FAM76B: variants seen among roughly 807,000 people sequenced by gnomAD.
FAM76B encodes the protein protein FAM76B.
Under a neutral mutation model 51.8 loss-of-function variants are expected in FAM76B, and 16 were observed. The ratio of observed to expected loss-of-function variants is 0.31; its 90% CI spans 0.21 to 0.47. The LOEUF is 0.47. FAM76B is among the 20% of genes least tolerant of loss of function. The pLI is 1.00. For synonymous variants in FAM76B, 166 were observed against 129.5 expected (o/e 1.28, Z -1.91); for missense variants, 342 against 392.6 (o/e 0.87, Z 1.09).
intron 2 of FAM76B, among the ~76,000 whole-genome samples, chr11:95,788,207 T>C (rs1860711070): frequency 6.6e-6 from 1 of 151,874 alleles, no homozygotes. Flanking sequence ...GCTTTACCAT[T>C]TTTTTTTAGT....
In FAM76B at chr11:95,786,140, C is replaced by G. The variant is rs1179850469; in HGVS notation, c.342G>C (p.Arg114=). 6.2e-7 allele frequency: 1 copy of G among 1,610,432 alleles called. No individual in the cohort carries two copies. Among genetic ancestry groups the G allele is most frequent in the East Asian group, 2.2e-5 (1 of 44,818 alleles). ...EQCKQQCAFD[R]KEEGRRKVDG... is the part of the protein sequence containing the mutation. Reference sequence around the variant, plus strand: ...ATACCTTTCTTCTTCCTTCCTCCTTCCGATCAAAAGCACATTGCTGTTTGC... The same window carrying G: ...ATACCTTTCTTCTTCCTTCCTCCTTGCGATCAAAAGCACATTGCTGTTTGC... Residue 114 remains arginine, a synonymous_variant, in exon 4 of 10, where the codon CGG becomes CGC. Transcript: ENST00000358780.
chr11:95,788,616 C>G lies in FAM76B; in HGVS notation c.88-53G>C, dbSNP rs556682852. The G allele has an allele frequency of 2.8e-5, 43 of 1,541,534 alleles. No homozygotes were observed. The South Asian group carries it at 4.8e-4, about 17-fold the overall frequency. On this transcript the variant is annotated intron_variant, in intron 1 of 9. Transcript: ENST00000358780. ...ATCTTTCTGAAAGTCCCAAATCTCA[C>G]TTTTCTGGTAGAAAACTGTTTACCC...
intron 1 of FAM76B, 191 bp downstream of exon 1, chr11:95,789,201 C>A: frequency 1.0e-6 from 1 of 967,136 alleles, no homozygotes; most frequent in Non-Finnish European, 1.5e-6. Flanking sequence ...GATTCTGCCT[C>A]CCTTTCAGGG....
At chr11:95,779,102 A>C (rs769833530) in intron 7 of FAM76B, 145 bp from the exon 8 acceptor site, 1 of 1,586,998 alleles carries the variant, frequency 6.3e-7, no homozygotes, top group Non-Finnish European at 8.5e-7. Context: ...TGCAACTGGC[A>C]AATTACCTTA....
intron 3 of FAM76B, among the ~76,000 whole-genome samples, chr11:95,787,250 T>C (rs918032148): frequency 2.0e-5 from 3 of 152,320 alleles, no homozygotes; most frequent in Middle Eastern, 3.4e-3. Flanking sequence ...TTTTTTTTTT[T>C]CGAGACGCAG....
chr11:95,775,933 C>T lies in FAM76B; in HGVS notation c.919G>A (p.Glu307Lys). 2 of 1,579,532 alleles carry T rather than the reference C, an allele frequency of 1.3e-6. No homozygotes were observed. The highest frequency in any genetic ancestry group is 1.2e-5 in the South Asian group (1 of 85,390). ...ATGATGGTAGTTACCTGAAGTTGTTCCACAGTTTCTTTGTGGGCTTTTTCC... is the reference window on the plus strand; with the variant it reads ...ATGATGGTAGTTACCTGAAGTTGTTTCACAGTTTCTTTGTGGGCTTTTTCC... Reference protein sequence around the residue: ...SMEKAHKETVEQLQAKNRELL... With the variant: ...SMEKAHKETVKQLQAKNRELL... The change falls in exon 9 of 10, where the codon GAA becomes AAA. Residue 307 changes from glutamate to lysine, a missense_variant. Glu to Lys is a moderately conservative substitution (Grantham distance 56). Around this residue, in one of 3 missense-constraint regions of FAM76B, gnomAD observed 230 missense variants for 257.4 expected, o/e 0.89. Transcript: ENST00000358780.
At chr11:95,774,193 G>A (rs1859895402) in intron 9 of FAM76B, among the ~76,000 whole-genome samples, 1 of 151,300 alleles carries the variant, frequency 6.6e-6, no homozygotes, top group Non-Finnish European at 1.5e-5. Context: ...TAGATAAACT[G>A]GAGTGAGAAG....
intron 4 of FAM76B, among the ~76,000 whole-genome samples, chr11:95,784,571 TAC>T (rs919585950): frequency 2.7e-4 from 40 of 147,952 alleles, no homozygotes; most frequent in Admixed American, 6.7e-4. Context: ...TGTGTATATA[TAC>T]ACACACACAC....
intron 5 of FAM76B, among the ~76,000 whole-genome samples, chr11:95,782,259 C>G (rs1053892256): frequency 6.6e-6 from 1 of 152,106 alleles, no homozygotes; most frequent in Non-Finnish European, 1.5e-5. Context: ...AAATCAAGTA[C>G]AGCTGACCCT....
At chr11:95,775,467 T>A (rs1334829131) in intron 9 of FAM76B, among the ~76,000 whole-genome samples, 1 of 151,462 alleles carries the variant, frequency 6.6e-6, no homozygotes, top group African/African-American at 2.4e-5. Flanking sequence ...AAGTAAACTC[T>A]CTTGCTTTGC....
chr11:95,771,705 T>C, intron 9 of FAM76B, 55 bp from the exon 10 acceptor site: 2 of 1,342,942 alleles, frequency 1.5e-6, no homozygotes, highest in Non-Finnish European at 1.1e-6. Context: ...TATTAAGTCA[T>C]GCTGAAGAAT....
At chr11:95,788,301 C>G (rs941614967) in intron 2 of FAM76B, among the ~76,000 whole-genome samples, 198 bp downstream of exon 2, 1 of 152,148 alleles carries the variant, frequency 6.6e-6, no homozygotes, top group Non-Finnish European at 1.5e-5. Flanking sequence ...CATATAAAGT[C>G]TAACTGTAAA....
chr11:95,783,554 T>A (rs1860391766), intron 4 of FAM76B, among the ~76,000 whole-genome samples: 1 of 152,202 alleles, frequency 6.6e-6, no homozygotes, highest in South Asian at 2.1e-4. Flanking sequence ...TCCAGGAGAA[T>A]AAGCATAAAC....
At chr11:95,782,086 C>A (rs1261662405) in intron 5 of FAM76B, among the ~76,000 whole-genome samples, 1 of 151,916 alleles carries the variant, frequency 6.6e-6, no homozygotes, top group African/African-American at 2.4e-5. Flanking sequence ...GCCATATGTC[C>A]GTTTTTTCCA....
intron 3 of FAM76B, among the ~76,000 whole-genome samples, chr11:95,787,335 G>C (rs572999591): frequency 6.6e-6 from 1 of 151,930 alleles, no homozygotes; most frequent in African/African-American, 2.4e-5. Flanking sequence ...CTGAGTTCAC[G>C]CCATTCTCCT....
At chr11:95,771,717 CT>C (rs1859775333) in intron 9 of FAM76B, 67 bp from the exon 10 acceptor site, 1 of 1,234,526 alleles carries the variant, frequency 8.1e-7, no homozygotes, top group African/African-American at 1.5e-5. Flanking sequence ...CTGAAGAATA[CT>C]ACTTATTTAA....
chr11:95,779,287 T>G (rs983694161), intron 7 of FAM76B: 8 of 597,260 alleles, frequency 1.3e-5, no homozygotes, highest in Non-Finnish European at 2.2e-5. Context: ...TAAAAACATT[T>G]TCTAAGCAGG....
chr11:95,782,802 CGTACTT>C (rs1156846420), intron 5 of FAM76B, among the ~76,000 whole-genome samples: 19 of 152,036 alleles, frequency 1.2e-4, no homozygotes, highest in Admixed American at 1.2e-3. Context: ...AATTAACTGA[CGTACTT>C]GTATTTTGAC....
intron 3 of FAM76B, among the ~76,000 whole-genome samples, chr11:95,787,144 C>A (rs73531019): frequency 4.2e-4 from 64 of 152,206 alleles, no homozygotes; most frequent in African/African-American, 1.5e-3. Context: ...TATAATTTGA[C>A]TGTTTTTAAA....
Sources: allele counts gnomAD v4.1 joint callset (sites outside exome capture counted in the v4.1 genomes callset), GRCh38; gene constraint gnomAD v4.1.1; regional missense constraint gnomAD v4.1.1; transcripts MANE v1.5; gene names NCBI Gene and HGNC (gene_info 2026-07-23, HGNC 2026-07-21).